Variants in TOR1AIP1 observed in about 807,000 individuals in gnomAD.
TOR1AIP1 encodes torsin 1A interacting protein 1.
In TOR1AIP1, 54 loss-of-function variants were observed where a neutral mutation model predicts 63.3. That is an observed-to-expected ratio of 0.85 (90% CI 0.69 to 1.07). The LOEUF is 1.07. Among genes scored for constraint, TOR1AIP1 ranks in the 50% least tolerant of loss-of-function variants. TOR1AIP1 has a pLI of 0.00. For missense variants in TOR1AIP1, 736 were observed against 715.0 expected (o/e 1.03, Z -0.33); for synonymous variants, 294 against 273.5 (o/e 1.07, Z -0.74).
At chr1:179,908,445 G>A (rs1385392921) in intron 7 of TOR1AIP1, among the ~76,000 whole-genome samples, 160 bp from the exon 8 acceptor site, 1 of 152,084 alleles carries the variant, frequency 6.6e-6, no homozygotes, top group East Asian at 1.9e-4. Context: ...TCACTGATAC[G>A]ATCCTTTGAA....
Position 179,908,671 on chromosome 1 carries a change from AAAGTAAG to A in TOR1AIP1, c.906_907+5del, listed in dbSNP as rs1571735403. The A allele has an allele frequency of 3.1e-6, 5 of 1,612,246 alleles. No individual in the cohort carries two copies. The African/African-American group carries it at 4.0e-5, about 13-fold the overall frequency. On this transcript the variant is annotated splice_donor_variant and splice_donor_5th_base_variant and coding_sequence_variant and intron_variant, in exon 8 of 10. Coordinates refer to ENST00000606911, the MANE Select transcript of TOR1AIP1 (RefSeq NM_015602.4). LOFTEE classifies it high-confidence loss of function. ...ACTGCAAGAATAAGGACCAGGATGC[AAAGTAAG>A]TAGATAAATCTCTGTTATTGAAATA...
In TOR1AIP1 at chr1:179,918,606, T is replaced by A. The variant is rs76359757; in HGVS notation, c.*367T>A. The A allele has an allele frequency of 5.5e-3, 988 of 179,462 alleles. 9 individuals carry two copies. The highest frequency in any genetic ancestry group is 0.022 in the African/African-American group (907 of 41,982). 11.1% of individuals were successfully genotyped at this position (179,462 alleles called of 1,614,324 possible). A position where few individuals can be genotyped will look rare whatever the true frequency, so the allele number is the denominator to read the frequency against. ...TTTAACTTAGATTTCTCACTAAGTT[T>A]CCTGAGTTATTAGTAAGATTGCTCC... is the stretch of plus-strand genomic sequence containing the variant. On this transcript the variant is annotated 3_prime_UTR_variant, in exon 10 of 10. Coordinates refer to ENST00000606911, the MANE Select transcript of TOR1AIP1 (RefSeq NM_015602.4).
intron 9 of TOR1AIP1, among the ~76,000 whole-genome samples, chr1:179,915,426 C>T (rs1447709131): frequency 6.6e-6 from 1 of 152,198 alleles, no homozygotes; most frequent in Non-Finnish European, 1.5e-5. Context: ...AAAAATATCA[C>T]ATTTGTTAAC....
At chr1:179,910,292 G>GTAT (rs1456496491) in intron 8 of TOR1AIP1, among the ~76,000 whole-genome samples, 1 of 152,066 alleles carries the variant, frequency 6.6e-6, no homozygotes, top group Non-Finnish European at 1.5e-5. Context: ...AGGTCATCAG[G>GTAT]TATTCTCTTA....
Position 179,907,872 on chromosome 1 carries a change from G to A in TOR1AIP1, c.838+8G>A. 2.0e-6 allele frequency: 3 copies of A among 1,464,346 alleles called. No individual in the cohort carries two copies. The highest frequency in any genetic ancestry group is 2.8e-6 in the Non-Finnish European group (3 of 1,076,160). The allele number at this position is 1,464,346 out of a possible 1,614,324, so 90.7% of individuals were successfully genotyped here. ...AGCAACCTTCAGTGCTAAGTAAGTA[G>A]TTGGTTGTCTGCTCTTTTTTCAGCC... is the stretch of plus-strand genomic sequence containing the variant. On this transcript the variant is annotated splice_region_variant and intron_variant, in intron 7 of 9. Transcript: ENST00000606911.
chr1:179,896,344 C>G (rs1481297128), intron 3 of TOR1AIP1, among the ~76,000 whole-genome samples: 5 of 152,070 alleles, frequency 3.3e-5, no homozygotes, highest in Admixed American at 2.0e-4. Context: ...GGAGCGTGAT[C>G]TCGGCTCACT....
chr1:179,901,379 G>T lies in TOR1AIP1; in HGVS notation c.730G>T (p.Glu244Ter). The T allele has an allele frequency of 6.2e-7, 1 of 1,600,938 alleles. No homozygotes were observed. Among genetic ancestry groups the T allele is most frequent in the Non-Finnish European group, 8.5e-7 (1 of 1,171,658 alleles). The change falls in exon 5 of 10, where the codon GAA (glutamate) becomes TAA (stop). Residue 244 changes from glutamate (E) to a stop codon, truncating the protein, a stop_gained. Coordinates refer to ENST00000606911, the MANE Select transcript of TOR1AIP1 (RefSeq NM_015602.4). LOFTEE classifies it high-confidence loss of function. ...TAAGGCCAGATCCAGGGATTCTGAT[G>T]AATCTGGAGGTAATATTGCTTTATA... ...TVKARSRDSD[E>*]SGDKTTRSSS...
intron 1 of TOR1AIP1, among the ~76,000 whole-genome samples, 156 bp from the exon 2 acceptor site, chr1:179,884,536 A>G (rs561871977): frequency 2.2e-4 from 33 of 152,206 alleles, no homozygotes; most frequent in Admixed American, 2.0e-4. Flanking sequence ...TCTGACTGGT[A>G]TATTTCCTAA....
Position 179,908,635 on chromosome 1 carries a change from G to C in TOR1AIP1, c.869G>C (p.Trp290Ser). Reference protein sequence around the residue: ...SSGYQKTPQEWAPQTARIRTR... With the variant: ...SSGYQKTPQESAPQTARIRTR... ...GGATATCAAAAAACTCCCCAGGAAT[G>C]GGCCCCACAAACTGCAAGAATAAGG... Residue 290 changes from tryptophan to serine, a missense_variant, in exon 8 of 10, where the codon TGG becomes TCG. Around this residue, in one of 2 missense-constraint regions of TOR1AIP1, gnomAD observed 464 missense variants for 371.0 expected, o/e 1.25. Transcript: ENST00000606911. The C allele has an allele frequency of 6.2e-7, 1 of 1,613,546 alleles. No individual in the cohort carries two copies. Among genetic ancestry groups the C allele is most frequent in the Non-Finnish European group, 8.5e-7 (1 of 1,179,612 alleles).
At chr1:179,911,441 TTTCCTGTAGACAG>T (rs1292790221) in intron 8 of TOR1AIP1, among the ~76,000 whole-genome samples, 1 of 152,348 alleles carries the variant, frequency 6.6e-6, no homozygotes, top group Admixed American at 6.5e-5. Context: ...TTAGCAACAG[TTTCCTGTAGACAG>T]GTCCCAGTTC....
At chr1:179,910,193 G>T (rs1295425682) in intron 8 of TOR1AIP1, among the ~76,000 whole-genome samples, 1 of 152,116 alleles carries the variant, frequency 6.6e-6, no homozygotes, top group African/African-American at 2.4e-5. Flanking sequence ...GTTAAATCTC[G>T]ACCATATTTT....
rs1333675475 is a variant in TOR1AIP1 at position 179,882,461 on chromosome 1, A to C, written c.-42A>C. The stretch of plus-strand genomic sequence containing the variant: ...CCACCGGCAGGAGAACCTAGGGTCC[A>C]TAAAGCCATCTTCGCGATCGACTAA... On this transcript the variant is annotated 5_prime_UTR_variant, in exon 1 of 10. Coordinates refer to ENST00000606911, the MANE Select transcript of TOR1AIP1 (RefSeq NM_015602.4). The C allele has an allele frequency of 5.7e-6, 8 of 1,415,336 alleles. No individual in the cohort carries two copies. Among genetic ancestry groups the C allele is most frequent in the Non-Finnish European group, 7.4e-6 (8 of 1,082,662 alleles). 87.7% of individuals were successfully genotyped at this position (1,415,336 alleles called of 1,614,324 possible).
chr1:179,904,385 C>T (rs2148478343), intron 6 of TOR1AIP1, among the ~76,000 whole-genome samples: 1 of 152,218 alleles, frequency 6.6e-6, no homozygotes, highest in East Asian at 1.9e-4. Flanking sequence ...TATATTAGTA[C>T]AATTTCAACT....
chr1:179,891,405 G>A (rs1169527643), intron 3 of TOR1AIP1, among the ~76,000 whole-genome samples: 2 of 151,536 alleles, frequency 1.3e-5, no homozygotes, highest in Non-Finnish European at 1.5e-5. Context: ...TGTATTTTTA[G>A]TAGAGACAGG....
intron 6 of TOR1AIP1, 123 bp from the exon 7 acceptor site, chr1:179,907,700 A>G: frequency 2.3e-6 from 1 of 438,180 alleles, no homozygotes; most frequent in Non-Finnish European, 4.0e-6. Context: ...AATTGATGAG[A>G]GAATGTTTTT....
In TOR1AIP1 at chr1:179,917,689, C is replaced by G. The variant is rs1339055773; in HGVS notation, c.1202C>G (p.Ser401Cys). 3 of 1,614,180 alleles carry G rather than the reference C, an allele frequency of 1.9e-6. No homozygotes were observed. Among genetic ancestry groups the G allele is most frequent in the African/African-American group, 1.3e-5 (1 of 75,038 alleles). ...QTFLEKHLNSSHPRSQPAILL... is the reference protein window; with the variant it reads ...QTFLEKHLNSCHPRSQPAILL... Reference sequence around the variant, plus strand: ...TTCCTGGAAAAACATCTTAATAGCTCCCATCCTCGGTCTCAGCCTGCTATC... The same window carrying G: ...TTCCTGGAAAAACATCTTAATAGCTGCCATCCTCGGTCTCAGCCTGCTATC... The change falls in exon 10 of 10, where the codon TCC (serine) becomes TGC (cysteine). Residue 401 changes from serine (S) to cysteine (C), a missense_variant. Physicochemically the swap from Ser to Cys is moderately radical, Grantham distance 112 (BLOSUM62 -1). Around this residue, in one of 2 missense-constraint regions of TOR1AIP1, gnomAD observed 272 missense variants for 344.1 expected, o/e 0.79. Coordinates refer to ENST00000606911, the MANE Select transcript of TOR1AIP1 (RefSeq NM_015602.4).
At chr1:179,916,908 C>T (rs1017633703) in intron 9 of TOR1AIP1, among the ~76,000 whole-genome samples, 3 of 151,484 alleles carry the variant, frequency 2.0e-5, no homozygotes, top group African/African-American at 7.3e-5. Context: ...TTCACAGTCT[C>T]GATCTCCTGA....
rs142059962 is a variant in TOR1AIP1, at chr1:179,910,518, C to T, written c.907+1845C>T. Among the ~76,000 whole-genome samples the T allele has an allele frequency of 1.1e-3, 164 of 152,272 alleles. 1 individual carries two copies. The highest frequency in any genetic ancestry group is 1.9e-3 in the Non-Finnish European group (131 of 68,018). On this transcript the variant is annotated intron_variant, in intron 8 of 9. Transcript: ENST00000606911. ...GAAATAACTTTTTGCCCTTGTCTTA[C>T]TGTTGGTTGTCATTTCTTATTGCTG...
chr1:179,910,518 C>CTGTTA (rs1648800535), intron 8 of TOR1AIP1, among the ~76,000 whole-genome samples: 1 of 152,154 alleles, frequency 6.6e-6, no homozygotes, highest in Non-Finnish European at 1.5e-5. Flanking sequence ...CCTTGTCTTA[C>CTGTTA]TGTTGGTTGT....
Sources: gnomAD v4.1 joint callset for allele counts (sites outside exome capture counted in the v4.1 genomes callset) on GRCh38, gnomAD v4.1.1 for gene constraint, gnomAD v4.1.1 regional missense constraint, MANE v1.5 for transcripts, NCBI Gene and HGNC (gene_info 2026-07-23, HGNC 2026-07-21) for gene names.